Variants in SPDYE10 observed in about 807,000 individuals in gnomAD.
SPDYE10 encodes speedy protein E10.
chr7:73,115,296 T>C, the SPDYE10 span, among the ~76,000 whole-genome samples: 1 of 152,156 alleles, frequency 6.6e-6, no homozygotes, highest in African/African-American at 2.4e-5. Context: ...AGGAAACATT[T>C]TCCGTCCCAA....
the SPDYE10 span, among the ~76,000 whole-genome samples, chr7:73,130,598 G>C: frequency 6.3e-3 from 949 of 149,582 alleles, no homozygotes; most frequent in African/African-American, 0.024. Flanking sequence ...GGGATTACAG[G>C]CATGTGCCAC....
At chr7:73,137,591 GATGA>G in the SPDYE10 span, among the ~76,000 whole-genome samples, 8 of 56,720 alleles carry the variant, frequency 1.4e-4, no homozygotes, top group East Asian at 3.6e-4. Flanking sequence ...AGAAAGAAGA[GATGA>G]AAGAAAGAAA....
At chr7:73,152,009 G>T in the SPDYE10 span, among the ~76,000 whole-genome samples, 3 of 150,716 alleles carry the variant, frequency 2.0e-5, no homozygotes, top group Admixed American at 6.6e-5. Flanking sequence ...TTGTTGTTTT[G>T]TTTTTTGTGT....
At chr7:73,145,634 CTCTGAAATCCCATCCA>C in the SPDYE10 span, among the ~76,000 whole-genome samples, 3 of 147,786 alleles carry the variant, frequency 2.0e-5, no homozygotes, top group East Asian at 6.0e-4. Flanking sequence ...CTGCTGCCTT[CTCTGAAATCCCATCCA>C]TGAACCTTGT....
At chr7:73,115,392 C>G in the SPDYE10 span, among the ~76,000 whole-genome samples, 1 of 151,802 alleles carries the variant, frequency 6.6e-6, no homozygotes, top group Admixed American at 6.6e-5. Context: ...AGAGGGAGAC[C>G]AGTTCTCCAC....
At chr7:73,142,810 G>A in the SPDYE10 span, among the ~76,000 whole-genome samples, 5 of 152,042 alleles carry the variant, frequency 3.3e-5, no homozygotes, top group African/African-American at 1.2e-4. Context: ...GTGGGCGCCT[G>A]TAGTCCCAGC....
chr7:73,142,995 GAA>G, the SPDYE10 span, among the ~76,000 whole-genome samples: 1 of 140,226 alleles, frequency 7.1e-6, no homozygotes, highest in African/African-American at 2.7e-5. Context: ...AGGAAGGAAG[GAA>G]GGAAGGAAGG....
chr7:73,113,322 AAG>A, the SPDYE10 span, among the ~76,000 whole-genome samples: 1 of 10,264 alleles, frequency 9.7e-5, no homozygotes, highest in Non-Finnish European at 2.0e-4. Context: ...CCAGCAGTTC[AAG>A]ACCAGTATAG....
chr7:73,131,203 TA>T, the SPDYE10 span, among the ~76,000 whole-genome samples: 2,188 of 114,112 alleles, frequency 0.019, 56 homozygotes, highest in African/African-American at 0.039. Context: ...ACTGTCTCTT[TA>T]AAAAAAAAAA....
the SPDYE10 span, among the ~76,000 whole-genome samples, chr7:73,122,954 C>T: frequency 6.6e-6 from 1 of 152,232 alleles, no homozygotes; most frequent in African/African-American, 2.4e-5. Flanking sequence ...GTGGCCAGAG[C>T]TTGGGGAAAG....
chr7:73,115,413 C>A, the SPDYE10 span, among the ~76,000 whole-genome samples: 3 of 151,746 alleles, frequency 2.0e-5, no homozygotes, highest in Non-Finnish European at 4.4e-5. Context: ...TCCCCTGGCC[C>A]TGCTGACACC....
chr7:73,149,331 A>G, the SPDYE10 span, among the ~76,000 whole-genome samples: 1 of 127,552 alleles, frequency 7.8e-6, no homozygotes, highest in East Asian at 2.2e-4. Context: ...TCTGTCACCC[A>G]GGCTGGAGTG....
At chr7:73,120,802 A>T in the SPDYE10 span, among the ~76,000 whole-genome samples, 75 of 151,636 alleles carry the variant, frequency 4.9e-4, no homozygotes, top group African/African-American at 1.7e-3. Context: ...AAAAAAAAAA[A>T]GGAAGTCTGT....
chr7:73,132,583 TG>T, the SPDYE10 span, among the ~76,000 whole-genome samples: 3 of 143,418 alleles, frequency 2.1e-5, no homozygotes, highest in South Asian at 2.3e-4. Flanking sequence ...TGAGGACCAT[TG>T]ACAACATGCT....
the SPDYE10 span, among the ~76,000 whole-genome samples, chr7:73,138,321 GA>G: frequency 6.6e-6 from 1 of 151,770 alleles, no homozygotes; most frequent in Non-Finnish European, 1.5e-5. Context: ...TTCTGGGCAT[GA>G]CCATAGGAAT....
At chr7:73,152,199 G>C in the SPDYE10 span, among the ~76,000 whole-genome samples, 20 of 136,744 alleles carry the variant, frequency 1.5e-4, no homozygotes, top group South Asian at 4.1e-3. Context: ...ATTTTCAGTG[G>C]AGACGGGGTT....
At chr7:73,142,962 A>G in the SPDYE10 span, among the ~76,000 whole-genome samples, 2 of 117,928 alleles carry the variant, frequency 1.7e-5, no homozygotes, top group African/African-American at 3.2e-5. Context: ...GAGGGAGGGA[A>G]GGAGAGAGGG....
At chr7:73,137,534 AAG>A in the SPDYE10 span, among the ~76,000 whole-genome samples, 1 of 150,798 alleles carries the variant, frequency 6.6e-6, no homozygotes, top group Non-Finnish European at 1.5e-5. Flanking sequence ...AAAGGAAAGA[AAG>A]AGAGAGAGAA....
chr7:73,154,518 G>A, the SPDYE10 span, among the ~76,000 whole-genome samples: 1 of 145,684 alleles, frequency 6.9e-6, no homozygotes, highest in African/African-American at 2.7e-5. Flanking sequence ...TCCCCAGCAA[G>A]CTTTTCGGTT....
Sources: gnomAD v4.1 joint callset for allele counts (sites outside exome capture counted in the v4.1 genomes callset) on GRCh38, gnomAD v4.1.1 for gene constraint, MANE v1.5 for transcripts, NCBI Gene and HGNC (gene_info 2026-07-23, HGNC 2026-07-21) for gene names.